Variants in CSF2RA observed in about 807,000 individuals in gnomAD.
CSF2RA encodes the protein granulocyte-macrophage colony-stimulating factor receptor subunit alpha.
A neutral mutation model predicts 51.6 loss-of-function variants in CSF2RA; 42 were observed. The observed-to-expected ratio is 0.81, with a 90% CI of 0.64 to 1.05. CSF2RA has a LOEUF of 1.05. CSF2RA is among the 50% of genes least tolerant of loss of function. The pLI is 0.00. For missense variants in CSF2RA, 530 were observed against 501.1 expected (o/e 1.06, Z -0.55); for synonymous variants, 222 against 193.0 (o/e 1.15, Z -1.24).
At chrX:1,279,086 C>G (rs1380704772) in intron 2 of CSF2RA, among the ~76,000 whole-genome samples, 21 of 150,184 alleles carry the variant, frequency 1.4e-4, no homozygotes, top group African/African-American at 4.9e-4. Flanking sequence ...TACAGTGGCT[C>G]ACACCTGTCA....
chrX:1,295,685 C>T (rs1327705483), intron 9 of CSF2RA: 8 of 569,544 alleles, frequency 1.4e-5, no homozygotes, highest in East Asian at 3.0e-5. Flanking sequence ...CGTAACCCTA[C>T]AGTCCCCTAC....
intron 7 of CSF2RA, among the ~76,000 whole-genome samples, chrX:1,292,159 G>A (rs2091469742): frequency 1.3e-5 from 2 of 151,336 alleles, no homozygotes; most frequent in African/African-American, 4.9e-5. Context: ...TGGACCCAGT[G>A]TAGACAGGAG....
At chrX:1,286,440 G>T (rs559690625) in intron 4 of CSF2RA, among the ~76,000 whole-genome samples, 6 of 149,090 alleles carry the variant, frequency 4.0e-5, no homozygotes, top group Admixed American at 2.0e-4. Context: ...ATGGTGGCAG[G>T]CATCTGTAAT....
downstream of CSF2RA, among the ~76,000 whole-genome samples, chrX:1,314,352 C>T (rs758886460): frequency 1.9e-4 from 27 of 142,404 alleles, no homozygotes; most frequent in African/African-American, 5.7e-4. Context: ...TGCGCCTGCC[C>T]AACCCCACTG....
rs190582161 is a variant in CSF2RA at position 1,309,623 on chromosome X, A to C, written c.*144A>C. On this transcript the variant is annotated 3_prime_UTR_variant, in exon 13 of 13. Transcript: ENST00000381529. ...CATTTGGGGCCAGGCGCGGTGGCTC[A>C]CGCCTGTAATCCCAGCACTTTGGGA... The C allele has an allele frequency of 1.9e-6, 3 of 1,597,718 alleles. No individual in the cohort carries two copies. Among genetic ancestry groups the C allele is most frequent in the East Asian group, 2.2e-5 (1 of 44,756 alleles).
At chrX:1,316,434 C>G in the CSF2RA span, among the ~76,000 whole-genome samples, 1 of 152,166 alleles carries the variant, frequency 6.6e-6, no homozygotes, top group Non-Finnish European at 1.5e-5. Flanking sequence ...GGTGAACCAT[C>G]CAAAGCCCCC....
intron 4 of CSF2RA, among the ~76,000 whole-genome samples, chrX:1,288,043 C>G (rs191062691): frequency 2.0e-5 from 3 of 151,902 alleles, no homozygotes; most frequent in African/African-American, 7.2e-5. Context: ...GGCCTCTAGT[C>G]TGGTACTTTC....
At chrX:1,278,496 C>G (rs185927173) in intron 2 of CSF2RA, among the ~76,000 whole-genome samples, 5,070 of 130,382 alleles carry the variant, frequency 0.039, 38 homozygotes, top group Middle Eastern at 0.11. Context: ...AGACCAGCCT[C>G]GCCAACATGG....
chrX:1,307,344 C>T (rs28700103), intron 12 of CSF2RA, among the ~76,000 whole-genome samples: 42,549 of 151,642 alleles, frequency 0.28, 6,691 homozygotes, highest in African/African-American at 0.43. Context: ...TGAGGCCCAC[C>T]CTTCCCCCTT....
At chrX:1,291,906 T>C (rs1293869614) in intron 7 of CSF2RA, among the ~76,000 whole-genome samples, 3 of 139,458 alleles carry the variant, frequency 2.2e-5, no homozygotes, top group African/African-American at 7.5e-5. Context: ...GGACCCAGTG[T>C]AGACAGGAGG....
At chrX:1,322,990 G>A in the CSF2RA span, among the ~76,000 whole-genome samples, 54 of 151,680 alleles carry the variant, frequency 3.6e-4, 1 homozygote, top group South Asian at 0.011. Flanking sequence ...TTAGCCGGGC[G>A]TGGTGGCGGG....
intron 2 of CSF2RA, among the ~76,000 whole-genome samples, chrX:1,275,848 A>G (rs1172111902): frequency 2.0e-5 from 3 of 151,790 alleles, no homozygotes; most frequent in Non-Finnish European, 2.9e-5. Flanking sequence ...ACCCGCCACC[A>G]CGCCCGGCCA....
At chrX:1,310,970 G>C (rs1241197188), downstream of CSF2RA, among the ~76,000 whole-genome samples, 3 of 151,854 alleles carry the variant, frequency 2.0e-5, no homozygotes, top group East Asian at 1.9e-4. Flanking sequence ...GCTGGTGCCC[G>C]GGCATGGTGG....
At chrX:1,296,227 C>G (rs1313223912) in intron 9 of CSF2RA, among the ~76,000 whole-genome samples, 2 of 151,470 alleles carry the variant, frequency 1.3e-5, no homozygotes, top group African/African-American at 4.9e-5. Context: ...TCTGGCGGAA[C>G]CCTACACTCC....
rs28414810 is a variant in CSF2RA at position 1,294,564 on chromosome X, C to G, written c.780+103C>G. ...GGGGAAGTGGCCTGGGGGAAGGATG[C>G]GTGGGTGGTGAGCGGTGACTCTGGG... is the stretch of plus-strand genomic sequence containing the variant. On this transcript the variant is annotated intron_variant, in intron 8 of 12. Transcript: ENST00000381529. 973,476 of 1,481,270 alleles carry G rather than the reference C, an allele frequency of 0.66. 321,038 individuals carry two copies. The highest frequency in any genetic ancestry group is 0.73 in the African/African-American group (53,109 of 72,346). 91.8% of individuals were successfully genotyped at this position (1,481,270 alleles called of 1,614,324 possible). A position where few individuals can be genotyped will look rare whatever the true frequency, so the allele number is the denominator to read the frequency against.
chrX:1,317,861 G>T, the CSF2RA span, among the ~76,000 whole-genome samples: 1 of 151,996 alleles, frequency 6.6e-6, no homozygotes, highest in Non-Finnish European at 1.5e-5. Context: ...AGGCTGGAGT[G>T]CAGTGGCGAC....
downstream of CSF2RA, among the ~76,000 whole-genome samples, chrX:1,314,298 C>G (rs779298707): frequency 8.6e-4 from 91 of 105,548 alleles, 2 homozygotes; most frequent in South Asian, 3.9e-3. Flanking sequence ...ATCTGCCCAA[C>G]CACTCTGTGC....
intron 3 of CSF2RA, among the ~76,000 whole-genome samples, chrX:1,285,199 T>G (rs1334844597): frequency 6.6e-6 from 1 of 152,040 alleles, no homozygotes; most frequent in Non-Finnish European, 1.5e-5. Flanking sequence ...CCACCCCCAG[T>G]CTTCAGATGA....
At chrX:1,304,734 G>T (rs151068661) in intron 11 of CSF2RA, among the ~76,000 whole-genome samples, 5,446 of 151,660 alleles carry the variant, frequency 0.036, 326 homozygotes, top group African/African-American at 0.12. Context: ...TTGCAATCTC[G>T]GCTCACTGCA....
Sources: gnomAD v4.1 joint callset for allele counts (sites outside exome capture counted in the v4.1 genomes callset) on GRCh38, gnomAD v4.1.1 for gene constraint, MANE v1.5 for transcripts, NCBI Gene and HGNC (gene_info 2026-07-23, HGNC 2026-07-21) for gene names.